Variants in NFIL3 observed in about 807,000 individuals in gnomAD.
NFIL3 encodes the protein nuclear factor, interleukin 3 regulated.
Under a neutral mutation model 10.0 loss-of-function variants are expected in NFIL3, and 5 were observed. The observed-to-expected ratio is 0.50, with a 90% CI of 0.26 to 1.06. The LOEUF (loss-of-function observed/expected upper bound fraction) is 1.06, where lower values mean the gene tolerates loss of function less well. Among genes scored for constraint, NFIL3 ranks in the 50% least tolerant of loss-of-function variants. The pLI, the probability that NFIL3 is intolerant of heterozygous loss-of-function variation, is 0.13. For missense variants in NFIL3, 436 were observed against 547.6 expected, an observed-to-expected ratio of 0.80 and a Z score of 2.03; for synonymous variants, 202 against 206.5, an observed-to-expected ratio of 0.98 and a Z score of 0.19.
chr9:91,482,014 C>A, the NFIL3 span, among the ~76,000 whole-genome samples: 2 of 152,024 alleles, frequency 1.3e-5, no homozygotes, highest in African/African-American at 4.8e-5. Context: ...ACCTTGGTGC[C>A]GGAAAGGATT....
the NFIL3 span, among the ~76,000 whole-genome samples, chr9:91,463,334 C>A: frequency 6.6e-6 from 1 of 151,700 alleles, no homozygotes; most frequent in Non-Finnish European, 1.5e-5. Flanking sequence ...ATGCTATAAA[C>A]TTCCTTCTAA....
the NFIL3 span, among the ~76,000 whole-genome samples, chr9:91,460,268 G>GTTTTTTTTTTTTTTTTTTTTTTTTTT: frequency 1.3e-5 from 1 of 77,088 alleles, no homozygotes; most frequent in African/African-American, 1.3e-4. Context: ...GGAGGGCTTG[G>GTTTTTTTTTTTTTTTTTTTTTTTTTT]TTCTTTTTTT....
the NFIL3 span, among the ~76,000 whole-genome samples, chr9:91,473,000 C>T: frequency 1.3e-5 from 2 of 152,190 alleles, no homozygotes; most frequent in Admixed American, 1.3e-4. Flanking sequence ...TGGAGGTCCA[C>T]TCCAGACCCT....
chr9:91,429,564 C>T, the NFIL3 span, among the ~76,000 whole-genome samples: 6 of 152,170 alleles, frequency 3.9e-5, no homozygotes, highest in Non-Finnish European at 8.8e-5. Context: ...CTTCTGGAGT[C>T]GTTTGTTTCA....
the NFIL3 span, among the ~76,000 whole-genome samples, chr9:91,466,850 G>A: frequency 3.0e-3 from 453 of 152,150 alleles, 2 homozygotes; most frequent in Middle Eastern, 6.8e-3. Flanking sequence ...CATGATACTC[G>A]GATATTTAGT....
At chr9:91,473,052 T>C in the NFIL3 span, among the ~76,000 whole-genome samples, 6 of 152,126 alleles carry the variant, frequency 3.9e-5, no homozygotes, top group African/African-American at 7.2e-5. Context: ...GAACAGTAAA[T>C]ATTGCCACCT....
the NFIL3 span, among the ~76,000 whole-genome samples, chr9:91,470,418 C>CTCTTTTTTTTTT: frequency 1.7e-5 from 2 of 119,666 alleles, no homozygotes; most frequent in Non-Finnish European, 3.3e-5. Flanking sequence ...TGATTCTTCT[C>CTCTTTTTTTTTT]TATTAGTCTT....
chr9:91,469,229 T>C, the NFIL3 span, among the ~76,000 whole-genome samples: 1 of 152,214 alleles, frequency 6.6e-6, no homozygotes, highest in Non-Finnish European at 1.5e-5. Flanking sequence ...GTGGTTCTTC[T>C]TGAAGAGGTC....
chr9:91,435,033 G>A, the NFIL3 span, among the ~76,000 whole-genome samples: 1 of 152,102 alleles, frequency 6.6e-6, no homozygotes, highest in Non-Finnish European at 1.5e-5. Flanking sequence ...ATGATTCCAG[G>A]CACCCCTGTG....
intron 1 of NFIL3, among the ~76,000 whole-genome samples, chr9:91,417,669 C>G (rs1833682417): frequency 6.6e-6 from 1 of 152,090 alleles, no homozygotes; most frequent in Non-Finnish European, 1.5e-5. Context: ...ATTTTCTAAT[C>G]CCGTTGAAAA....
chr9:91,437,278 G>A, the NFIL3 span, among the ~76,000 whole-genome samples: 6,596 of 152,234 alleles, frequency 0.043, 194 homozygotes, highest in Middle Eastern at 0.14. Flanking sequence ...ATTTACCCAT[G>A]TAAAGTGCAC....
chr9:91,430,633 A>C, the NFIL3 span, among the ~76,000 whole-genome samples: 1 of 151,742 alleles, frequency 6.6e-6, no homozygotes, highest in East Asian at 1.9e-4. Flanking sequence ...AATTTAATCA[A>C]AGTTTTTCTT....
At chr9:91,438,220 G>T in the NFIL3 span, among the ~76,000 whole-genome samples, 5 of 152,078 alleles carry the variant, frequency 3.3e-5, no homozygotes, top group African/African-American at 9.7e-5. Context: ...GTGTGAGGTC[G>T]TATCTCATTG....
At chr9:91,468,065 C>G in the NFIL3 span, among the ~76,000 whole-genome samples, 3 of 152,164 alleles carry the variant, frequency 2.0e-5, no homozygotes, top group Non-Finnish European at 4.4e-5. Context: ...AATGGGATGG[C>G]TGGGTCAAAT....
the NFIL3 span, among the ~76,000 whole-genome samples, chr9:91,465,981 G>C: frequency 6.6e-6 from 1 of 152,054 alleles, no homozygotes; most frequent in Non-Finnish European, 1.5e-5. Context: ...GGTGTGGTGT[G>C]TGTGTGTGTG....
intron 1 of NFIL3, among the ~76,000 whole-genome samples, chr9:91,419,759 A>C (rs1833723184): frequency 6.6e-6 from 1 of 152,256 alleles, no homozygotes; most frequent in African/African-American, 2.4e-5. Flanking sequence ...TCAGTATCAA[A>C]AGGCAACGAT....
intron 1 of NFIL3, among the ~76,000 whole-genome samples, chr9:91,417,584 T>C (rs552737414): frequency 2.0e-5 from 3 of 152,282 alleles, no homozygotes; most frequent in African/African-American, 7.2e-5. Flanking sequence ...AAGAAAAGAA[T>C]TCACTATACA....
chr9:91,440,332 AT>A, the NFIL3 span, among the ~76,000 whole-genome samples: 46 of 152,056 alleles, frequency 3.0e-4, no homozygotes, highest in South Asian at 9.1e-3. Context: ...GATTCTTTTA[AT>A]TTTTGAGGCA....
chr9:91,476,997 T>TTG, the NFIL3 span, among the ~76,000 whole-genome samples: 72 of 152,316 alleles, frequency 4.7e-4, no homozygotes, highest in African/African-American at 1.7e-3. Flanking sequence ...GATCTGACTT[T>TTG]TCTGTTTGTT....
Sources: gnomAD v4.1 joint callset for allele counts (sites outside exome capture counted in the v4.1 genomes callset) on GRCh38, gnomAD v4.1.1 for gene constraint, MANE v1.5 for transcripts, NCBI Gene and HGNC (gene_info 2026-07-23, HGNC 2026-07-21) for gene names.